DCDC2: variants seen among roughly 807,000 people sequenced by gnomAD.
DCDC2 encodes the protein doublecortin domain-containing protein 2.
A neutral mutation model predicts 50.2 loss-of-function variants in DCDC2; 40 were observed. The ratio of observed to expected loss-of-function variants is 0.80; its 90% CI spans 0.62 to 1.04. The LOEUF is 1.04. DCDC2 is among the 50% of genes least tolerant of loss of function. DCDC2 has a pLI of 0.00. For synonymous variants in DCDC2, 234 were observed against 210.6 expected, an observed-to-expected ratio of 1.11 and a Z score of -0.96; for missense variants, 570 against 581.9, an observed-to-expected ratio of 0.98 and a Z score of 0.21.
At chr6:24,255,343 A>G (rs1178748202) in intron 7 of DCDC2, among the ~76,000 whole-genome samples, 3 of 151,662 alleles carry the variant, frequency 2.0e-5, no homozygotes, top group Non-Finnish European at 2.9e-5. Flanking sequence ...AGAAGGTAAA[A>G]TAAGTTTATA....
intron 6 of DCDC2, 95 bp from the exon 7 acceptor site, chr6:24,278,306 AG>A: frequency 9.0e-7 from 1 of 1,107,430 alleles, no homozygotes; most frequent in Non-Finnish European, 1.3e-6. Context: ...TAAGCAGGGC[AG>A]GGGCAGGGAG....
chr6:24,226,323 T>C (rs1408353859), intron 7 of DCDC2, among the ~76,000 whole-genome samples: 9 of 152,184 alleles, frequency 5.9e-5, no homozygotes, highest in East Asian at 1.9e-4. Flanking sequence ...AAAGTGCTAA[T>C]AGTACCATAA....
chr6:24,262,700 C>T (rs186518109), intron 7 of DCDC2, among the ~76,000 whole-genome samples: 389 of 152,230 alleles, frequency 2.6e-3, no homozygotes, highest in Non-Finnish European at 3.9e-3. Flanking sequence ...CAGGCAGAGC[C>T]CTGATGCACT....
At chr6:24,374,963 C>T in the DCDC2 span, among the ~76,000 whole-genome samples, 4 of 152,172 alleles carry the variant, frequency 2.6e-5, no homozygotes, top group Non-Finnish European at 5.9e-5. Flanking sequence ...GAGAGGGAGA[C>T]CCTGACCCCA....
At chr6:24,213,523 CAAAATT>C (rs1336793572) in intron 7 of DCDC2, among the ~76,000 whole-genome samples, 12 of 151,982 alleles carry the variant, frequency 7.9e-5, no homozygotes, top group Non-Finnish European at 1.2e-4. Context: ...TCACCAGAGG[CAAAATT>C]AAAATTAAAA....
intron 4 of DCDC2, among the ~76,000 whole-genome samples, chr6:24,301,370 CAAAAAAAA>C (rs59055669): frequency 1.6e-5 from 1 of 64,112 alleles, no homozygotes; most frequent in African/African-American, 7.3e-5. Flanking sequence ...GGCTCCATCT[CAAAAAAAA>C]AAAAAAAAAA....
chr6:24,211,792 A>G (rs1761876656), intron 7 of DCDC2, among the ~76,000 whole-genome samples: 1 of 152,218 alleles, frequency 6.6e-6, no homozygotes, highest in Non-Finnish European at 1.5e-5. Context: ...GTAACCCAGT[A>G]AGGCCCATTT....
chr6:24,359,407 A>G (rs1449902368), upstream of DCDC2, among the ~76,000 whole-genome samples: 8 of 65,782 alleles, frequency 1.2e-4, no homozygotes, highest in African/African-American at 4.7e-4. Context: ...TATATATTTT[A>G]TATATTATAT....
intron 6 of DCDC2, among the ~76,000 whole-genome samples, chr6:24,279,346 G>C (rs1051019340): frequency 1.3e-5 from 2 of 152,074 alleles, no homozygotes; most frequent in African/African-American, 4.8e-5. Context: ...GGGCAAAGGT[G>C]GGAGGATCAC....
chr6:24,327,715 C>G (rs2127237037), intron 2 of DCDC2, among the ~76,000 whole-genome samples: 1 of 152,148 alleles, frequency 6.6e-6, no homozygotes, highest in South Asian at 2.1e-4. Flanking sequence ...CTCAGGTGAT[C>G]CAACTCGCCT....
At chr6:24,361,219 TGAG>T (rs1256327679), upstream of DCDC2, among the ~76,000 whole-genome samples, 4 of 152,010 alleles carry the variant, frequency 2.6e-5, no homozygotes, top group Non-Finnish European at 4.4e-5. Context: ...AGGAGTTAAA[TGAG>T]GAGAACTCAC....
intron 2 of DCDC2, among the ~76,000 whole-genome samples, chr6:24,332,920 A>C (rs1429704470): frequency 6.6e-6 from 1 of 152,222 alleles, no homozygotes; most frequent in Non-Finnish European, 1.5e-5. Flanking sequence ...GAGGAGAGTT[A>C]GACTTCAGCT....
At chr6:24,215,714 A>G (rs945593159) in intron 7 of DCDC2, among the ~76,000 whole-genome samples, 1 of 152,218 alleles carries the variant, frequency 6.6e-6, no homozygotes, top group Admixed American at 6.5e-5. Flanking sequence ...AAAGCATGCC[A>G]TGATGGGTCA....
intron 7 of DCDC2, among the ~76,000 whole-genome samples, chr6:24,238,661 G>A (rs879443242): frequency 5.3e-5 from 8 of 152,222 alleles, no homozygotes; most frequent in Non-Finnish European, 8.8e-5. Context: ...AATCCTTCTC[G>A]CAGAGGAATG....
intron 4 of DCDC2, 148 bp downstream of exon 4, chr6:24,301,567 T>C: frequency 1.1e-6 from 1 of 872,330 alleles, no homozygotes; most frequent in Admixed American, 2.3e-5. Flanking sequence ...ATGAGGTATA[T>C]CTCCATTCTA....
chr6:24,307,895 A>G (rs1759502309), intron 2 of DCDC2, among the ~76,000 whole-genome samples: 1 of 152,136 alleles, frequency 6.6e-6, no homozygotes. Flanking sequence ...TGCCAATGTC[A>G]CTTTGTTAGG....
chr6:24,183,623 A>G (rs1163417913), intron 8 of DCDC2, among the ~76,000 whole-genome samples: 1 of 152,122 alleles, frequency 6.6e-6, no homozygotes, highest in African/African-American at 2.4e-5. Context: ...AATAACATAC[A>G]TGGTCATTGT....
chr6:24,181,581 T>C (rs1047040083), intron 8 of DCDC2, among the ~76,000 whole-genome samples: 6 of 152,226 alleles, frequency 3.9e-5, no homozygotes, highest in Non-Finnish European at 7.3e-5. Flanking sequence ...CAATTTCATT[T>C]ACAATAGCAT....
At chr6:24,368,362 G>GA in the DCDC2 span, among the ~76,000 whole-genome samples, 202 of 148,770 alleles carry the variant, frequency 1.4e-3, 1 homozygote, top group African/African-American at 3.5e-3. Context: ...ATCTTAAGAA[G>GA]AAAAAAAAAC....
Sources: gnomAD v4.1 joint callset for allele counts (sites outside exome capture counted in the v4.1 genomes callset) on GRCh38, gnomAD v4.1.1 for gene constraint, MANE v1.5 for transcripts, NCBI Gene and HGNC (gene_info 2026-07-23, HGNC 2026-07-21) for gene names.